The following CCDC93 variants were observed in gnomAD, a reference collection of about 807,000 sequenced individuals.
CCDC93 encodes the protein coiled-coil domain-containing protein 93.
A neutral mutation model predicts 108.2 loss-of-function variants in CCDC93; 61 were observed. The observed-to-expected ratio is 0.56, with a 90% CI of 0.46 to 0.70. The LOEUF is 0.70. Among genes scored for constraint, CCDC93 ranks in the 30% least tolerant of loss-of-function variants. The probability of loss-of-function intolerance (pLI) is 0.00; values close to 1 mark genes in which losing one functional copy is unlikely to be tolerated. For missense variants in CCDC93, 685 were observed against 764.2 expected (o/e 0.90, Z 1.22); for synonymous variants, 276 against 260.4 (o/e 1.06, Z -0.58).
At chr2:117,937,273 G>A (rs1238155428) in intron 20 of CCDC93, among the ~76,000 whole-genome samples, 2 of 152,168 alleles carry the variant, frequency 1.3e-5, no homozygotes, top group African/African-American at 4.8e-5. Flanking sequence ...CACTGCCTTA[G>A]CCCCGCAGCA....
At chr2:117,985,052 G>A (rs959267027) in intron 7 of CCDC93, among the ~76,000 whole-genome samples, 1 of 151,978 alleles carries the variant, frequency 6.6e-6, no homozygotes, top group Non-Finnish European at 1.5e-5. Context: ...TGAACTGTGG[G>A]GGCAGCCATC....
intron 15 of CCDC93, 111 bp from the exon 16 acceptor site, chr2:117,946,993 G>C: frequency 1.2e-6 from 1 of 843,042 alleles, no homozygotes; most frequent in South Asian, 1.5e-5. Context: ...GTTTATTCTG[G>C]GACGAAAAGC....
intron 11 of CCDC93, among the ~76,000 whole-genome samples, chr2:117,961,141 G>A (rs1431937615): frequency 3.3e-5 from 5 of 152,004 alleles, no homozygotes; most frequent in Non-Finnish European, 4.4e-5. Context: ...GCCAGCCATC[G>A]TTTATGTAAC....
chr2:117,984,578 A>G (rs918852), intron 7 of CCDC93, among the ~76,000 whole-genome samples: 85,902 of 152,044 alleles, frequency 0.56, 25,135 homozygotes, highest in East Asian at 0.87. Context: ...ACATGGTCTC[A>G]GCGAGGTGGG....
In CCDC93 at chr2:117,935,560, C is replaced by A; in HGVS notation, c.1663G>T (p.Ala555Ser). 6 of 1,613,904 alleles carry A rather than the reference C, an allele frequency of 3.7e-6. No individual in the cohort carries two copies. The highest frequency in any genetic ancestry group is 5.1e-6 in the Non-Finnish European group (6 of 1,179,834). The change falls in exon 22 of 24, where the codon GCC becomes TCC. Residue 555 changes from alanine (A) to serine (S), a missense_variant. Transcript: ENST00000376300. ...ATCTGACGTAAAAACTGGTCCCGGGCAGCAGGGGAGGCCATGGCCCTGAAA... is the reference window on the plus strand; with the variant it reads ...ATCTGACGTAAAAACTGGTCCCGGGAAGCAGGGGAGGCCATGGCCCTGAAA... ...NFSQAMASPAARDQFLRQMEQ... is the reference protein window; with the variant it reads ...NFSQAMASPASRDQFLRQMEQ...
intron 11 of CCDC93, among the ~76,000 whole-genome samples, chr2:117,972,141 C>A (rs879330932): frequency 3.9e-5 from 6 of 152,316 alleles, no homozygotes; most frequent in Admixed American, 6.5e-5. Context: ...CCATACACAT[C>A]TGGTTGGGAA....
intron 17 of CCDC93, 46 bp from the exon 18 acceptor site, chr2:117,944,132 C>T (rs751727823): frequency 7.2e-7 from 1 of 1,385,530 alleles, no homozygotes; most frequent in Admixed American, 2.1e-5. Flanking sequence ...AGAAAACTTT[C>T]ACTCTTTAAT....
In CCDC93 at chr2:117,952,488, CAG is replaced by C. The variant is rs1161053039; in HGVS notation, c.1006-55_1006-54del. 3 of 1,255,420 alleles carry C rather than the reference CAG, an allele frequency of 2.4e-6. No homozygotes were observed. In the African/African-American group the frequency reaches 4.4e-5, roughly 19 times the overall value. 77.8% of individuals were successfully genotyped at this position (1,255,420 alleles called of 1,614,324 possible). A position where few individuals can be genotyped will look rare whatever the true frequency, so the allele number is the denominator to read the frequency against. Reference sequence around the variant, plus strand: ...CTCTCATTTGATCCTTATGACAACACAGATGTGAATTTCACAGATGAGAAAAT... The same window carrying C: ...CTCTCATTTGATCCTTATGACAACACATGTGAATTTCACAGATGAGAAAAT... On this transcript the variant is annotated intron_variant, in intron 12 of 23. Coordinates refer to ENST00000376300, the MANE Select transcript of CCDC93 (RefSeq NM_019044.5).
chr2:117,920,202 G>A lies in CCDC93; in HGVS notation c.*141C>T, dbSNP rs1677813285. ...CAACAGAGATGAATGGAAGCAAAGA[G>A]GAGAAAGAAAACATCCAGGTTGTTG... On this transcript the variant is annotated 3_prime_UTR_variant, in exon 24 of 24. Transcript: ENST00000376300. 1 of 560,384 alleles carries A rather than the reference G, an allele frequency of 1.8e-6. No individual in the cohort carries two copies. Among genetic ancestry groups the A allele is most frequent in the Non-Finnish European group, 3.2e-6 (1 of 312,154 alleles). 34.7% of individuals were successfully genotyped at this position (560,384 alleles called of 1,614,324 possible).
intron 19 of CCDC93, among the ~76,000 whole-genome samples, chr2:117,939,444 G>A (rs1485839590): frequency 1.3e-5 from 2 of 152,150 alleles, no homozygotes; most frequent in Non-Finnish European, 2.9e-5. Context: ...ATTGATACAG[G>A]TATTTTGATG....
chr2:117,962,515 C>T (rs562182660), intron 11 of CCDC93, among the ~76,000 whole-genome samples: 3 of 152,248 alleles, frequency 2.0e-5, no homozygotes, highest in South Asian at 4.2e-4. Context: ...TAGTGGCATA[C>T]GCCTGTAATC....
intron 3 of CCDC93, among the ~76,000 whole-genome samples, chr2:118,004,256 A>T (rs1676797844): frequency 6.6e-6 from 1 of 152,280 alleles, no homozygotes; most frequent in African/African-American, 2.4e-5. Context: ...CAGATGCCCA[A>T]TAAAATGTTT....
intron 3 of CCDC93, among the ~76,000 whole-genome samples, chr2:118,004,405 C>G (rs1473237066): frequency 3.3e-5 from 5 of 152,180 alleles, no homozygotes; most frequent in African/African-American, 7.2e-5. Context: ...AGAAAGATGA[C>G]AGAGAACAAG....
chr2:117,986,156 TTCTC>T, intron 6 of CCDC93, 87 bp from the exon 7 acceptor site: 1 of 558,048 alleles, frequency 1.8e-6, no homozygotes. Flanking sequence ...ATGGGGTATA[TTCTC>T]TTTTTTTTTT....
intron 12 of CCDC93, among the ~76,000 whole-genome samples, chr2:117,957,297 T>A (rs74966657): frequency 2.0e-5 from 3 of 152,214 alleles, no homozygotes; most frequent in Non-Finnish European, 4.4e-5. Context: ...TGTTGCTGAG[T>A]CAAACTTCCC....
chr2:117,937,900 G>A (rs1678573005), intron 20 of CCDC93, among the ~76,000 whole-genome samples: 1 of 152,116 alleles, frequency 6.6e-6, no homozygotes, highest in Non-Finnish European at 1.5e-5. Flanking sequence ...GCACCCTCTA[G>A]GATGACAGAG....
chr2:117,962,917 T>C (rs1336167911), intron 11 of CCDC93, among the ~76,000 whole-genome samples: 27 of 152,146 alleles, frequency 1.8e-4, no homozygotes, highest in Admixed American at 1.8e-3. Context: ...AAATCCACAA[T>C]GAGATTTTGT....
In CCDC93 at chr2:117,933,145, C is replaced by T. The variant is rs149289971; in HGVS notation, c.1729-1995G>A. On this transcript the variant is annotated intron_variant, in intron 22 of 23. Transcript: ENST00000376300. Reference sequence around the variant, plus strand: ...GCTAATTTAACTTTTTTGAATGCTACGTCCTTTAGCTAAAATAAGAATATC... The same window carrying T: ...GCTAATTTAACTTTTTTGAATGCTATGTCCTTTAGCTAAAATAAGAATATC... Among the ~76,000 whole-genome samples the T allele has an allele frequency of 3.6e-3, 555 of 152,280 alleles. 5 individuals are homozygous for T. Among genetic ancestry groups the T allele is most frequent in the African/African-American group, 0.013 (525 of 41,550 alleles).
intron 7 of CCDC93, among the ~76,000 whole-genome samples, chr2:117,980,106 T>A (rs1680071671): frequency 6.6e-6 from 1 of 152,186 alleles, no homozygotes; most frequent in Admixed American, 6.5e-5. Flanking sequence ...TAGCACCAGC[T>A]TCCCAATCCT....
Sources: allele counts gnomAD v4.1 joint callset (sites outside exome capture counted in the v4.1 genomes callset), GRCh38; gene constraint gnomAD v4.1.1; transcripts MANE v1.5; gene names NCBI Gene and HGNC (gene_info 2026-07-23, HGNC 2026-07-21).